The following VRK2 variants were observed in gnomAD, a reference collection of about 807,000 sequenced individuals.
VRK2 encodes the protein serine/threonine-protein kinase VRK2.
VRK2 carries 60 observed loss-of-function variants against 57.6 expected under a neutral mutation model. That is an observed-to-expected ratio of 1.04 (90% CI 0.85 to 1.29). VRK2 has a LOEUF of 1.29. Ranked by LOEUF, VRK2 falls within the 50% of genes most tolerant of loss-of-function variation. VRK2 has a pLI of 0.00. For synonymous variants in VRK2, 231 were observed against 199.2 expected, an observed-to-expected ratio of 1.16 and a Z score of -1.35; for missense variants, 705 against 588.1, an observed-to-expected ratio of 1.20 and a Z score of -2.06.
chr2:58,112,769 T>G (rs1300923083), intron 7 of VRK2, among the ~76,000 whole-genome samples: 1 of 152,168 alleles, frequency 6.6e-6, no homozygotes, highest in Non-Finnish European at 1.5e-5. Flanking sequence ...AACAGACTAC[T>G]GGCCTCGGAC....
At chr2:58,104,773 C>G (rs1674503135) in intron 7 of VRK2, among the ~76,000 whole-genome samples, 1 of 151,920 alleles carries the variant, frequency 6.6e-6, no homozygotes, top group Non-Finnish European at 1.5e-5. Context: ...GCCCAAAGAA[C>G]AAAGCTGGAG....
chr2:58,065,762 G>C (rs973166990), intron 2 of VRK2, among the ~76,000 whole-genome samples: 1 of 151,898 alleles, frequency 6.6e-6, no homozygotes, highest in Non-Finnish European at 1.5e-5. Flanking sequence ...CATTTCTTTA[G>C]GTCTTCCCTG....
At chr2:57,949,299 G>T (rs924768314) in intron 1 of VRK2, among the ~76,000 whole-genome samples, 3 of 152,080 alleles carry the variant, frequency 2.0e-5, no homozygotes, top group Non-Finnish European at 4.4e-5. Flanking sequence ...TGTTTTTTAT[G>T]AATTGAAGCT....
At chr2:58,081,857 C>CGT (rs369430200) in intron 2 of VRK2, among the ~76,000 whole-genome samples, 31,832 of 141,988 alleles carry the variant, frequency 0.22, 3,570 homozygotes, top group East Asian at 0.33. Flanking sequence ...ATACCATGTC[C>CGT]GTGTGTGTGT....
intron 1 of VRK2, among the ~76,000 whole-genome samples, chr2:57,924,834 G>A (rs1380129232): frequency 2.0e-5 from 3 of 151,880 alleles, no homozygotes; most frequent in Non-Finnish European, 4.4e-5. Flanking sequence ...GATACTAACT[G>A]TGGGTCTGTC....
At chr2:58,042,368 T>TTTCTATGTCAGGAACTGCTTAGCTG (rs1199722425), upstream of VRK2, among the ~76,000 whole-genome samples, 23 of 152,344 alleles carry the variant, frequency 1.5e-4, no homozygotes, top group Admixed American at 1.4e-3. Flanking sequence ...AATTTCAAAA[T>TTTCTATGTCAGGAACTGCTTAGCTG]TTCTATGTCA....
chr2:58,089,572 G>T, intron 6 of VRK2, 59 bp from the exon 7 acceptor site: 1 of 1,070,964 alleles, frequency 9.3e-7, no homozygotes, highest in Non-Finnish European at 1.3e-6. Context: ...TCAAAATGTT[G>T]AAATTGATCA....
chr2:57,957,326 T>A (rs1671616998), intron 1 of VRK2, among the ~76,000 whole-genome samples: 1 of 152,050 alleles, frequency 6.6e-6, no homozygotes, highest in Non-Finnish European at 1.5e-5. Flanking sequence ...GTAGCTCATA[T>A]TTCAGGGTCA....
At position 58,088,424 on chromosome 2, in the gene VRK2, T is replaced by TCCTG. The variant is rs1315642089; in HGVS notation, c.430_433dup (p.Gln145ProfsTer16). The TCCTG allele has an allele frequency of 6.2e-7, 1 of 1,612,584 alleles. No homozygotes were observed. Reference sequence around the variant, plus strand: ...AATGGTACCTTTAAAAAGTCAACTGTCCTGCAATTAGGTATCCGAATGGTA... The same window carrying TCCTG: ...AATGGTACCTTTAAAAAGTCAACTGTCCTGCCTGCAATTAGGTATCCGAATGGTA... On this transcript the variant is annotated frameshift_variant, in exon 6 of 13. Coordinates refer to ENST00000340157, the MANE Select transcript of VRK2 (RefSeq NM_006296.7). LOFTEE classifies it high-confidence loss of function.
intron 3 of VRK2, among the ~76,000 whole-genome samples, chr2:58,039,414 T>G (rs1461009369): frequency 6.6e-6 from 1 of 152,184 alleles, no homozygotes; most frequent in Non-Finnish European, 1.5e-5. Flanking sequence ...CCTTATTCCC[T>G]AAAAATTTCT....
At chr2:58,041,258 T>C (rs567777240) in intron 3 of VRK2, among the ~76,000 whole-genome samples, 29 of 152,212 alleles carry the variant, frequency 1.9e-4, no homozygotes, top group African/African-American at 6.7e-4. Context: ...GGCAGCAGGG[T>C]TCTACAAATT....
intron 1 of VRK2, among the ~76,000 whole-genome samples, chr2:58,002,978 G>T (rs1466115344): frequency 6.6e-6 from 1 of 152,132 alleles, no homozygotes; most frequent in Non-Finnish European, 1.5e-5. Context: ...ATACAATAGT[G>T]TTGGAAGTTA....
intron 12 of VRK2, among the ~76,000 whole-genome samples, chr2:58,157,817 T>C (rs1684182288): frequency 6.6e-6 from 1 of 152,246 alleles, no homozygotes; most frequent in African/African-American, 2.4e-5. Flanking sequence ...GTCAGAACTA[T>C]TCAACAATGC....
At chr2:58,083,832 T>C (rs1208314022) in intron 2 of VRK2, among the ~76,000 whole-genome samples, 2 of 151,848 alleles carry the variant, frequency 1.3e-5, no homozygotes, top group African/African-American at 2.4e-5. Flanking sequence ...ATCAAGTGTA[T>C]GGGCTGTGAT....
At chr2:57,953,032 T>C (rs1671476076) in intron 1 of VRK2, among the ~76,000 whole-genome samples, 1 of 152,190 alleles carries the variant, frequency 6.6e-6, no homozygotes, top group South Asian at 2.1e-4. Flanking sequence ...CCATGATAAC[T>C]TTATGCAAAT....
chr2:57,982,191 C>A (rs1029276102), intron 1 of VRK2, among the ~76,000 whole-genome samples: 1 of 152,182 alleles, frequency 6.6e-6, no homozygotes, highest in Non-Finnish European at 1.5e-5. Context: ...TGCTGTAAGC[C>A]TGGGGAGCTG....
intron 1 of VRK2, among the ~76,000 whole-genome samples, chr2:57,944,136 A>C (rs1275987071): frequency 1.3e-5 from 2 of 152,206 alleles, no homozygotes; most frequent in African/African-American, 4.8e-5. Context: ...GGTAAGAGGG[A>C]ATCTTTGCCA....
chr2:58,025,871 A>G (rs914413674), intron 2 of VRK2: 1 of 152,194 alleles, frequency 6.6e-6, no homozygotes. Context: ...CTTTCTCAGT[A>G]GTGCTTCCTT....
intron 7 of VRK2, among the ~76,000 whole-genome samples, chr2:58,122,530 A>T (rs1005587828): frequency 2.0e-5 from 3 of 152,346 alleles, no homozygotes; most frequent in African/African-American, 7.2e-5. Flanking sequence ...GTGGAAGTGG[A>T]TCATCATGAA....
Sources: gnomAD v4.1 joint callset for allele counts (sites outside exome capture counted in the v4.1 genomes callset) on GRCh38, gnomAD v4.1.1 for gene constraint, MANE v1.5 for transcripts, NCBI Gene and HGNC (gene_info 2026-07-23, HGNC 2026-07-21) for gene names.